Variants in CCDC3 observed in about 807,000 individuals in gnomAD.
CCDC3 encodes coiled-coil domain containing 3.
In CCDC3, 24 loss-of-function variants were observed where a neutral mutation model predicts 21.4. The ratio of observed to expected loss-of-function variants is 1.12; its 90% CI spans 0.81 to 1.58. The LOEUF is 1.58. Among genes scored for constraint, CCDC3 ranks in the 40% most tolerant of loss-of-function variants. The pLI is 0.00. For missense variants in CCDC3, 425 were observed against 360.9 expected, an observed-to-expected ratio of 1.18 and a Z score of -1.44; for synonymous variants, 186 against 166.0, an observed-to-expected ratio of 1.12 and a Z score of -0.93.
intron 2 of CCDC3, among the ~76,000 whole-genome samples, chr10:12,912,285 C>T (rs561704742): frequency 3.3e-5 from 5 of 152,330 alleles, no homozygotes; most frequent in African/African-American, 1.2e-4. Context: ...TCCTCACCAA[C>T]ACTTATCTTT....
intron 3 of CCDC3, among the ~76,000 whole-genome samples, chr10:13,077,608 A>G (rs12765406): frequency 0.59 from 89,989 of 151,762 alleles, 26,925 homozygotes; most frequent in African/African-American, 0.64. Context: ...ACTTCAAACT[A>G]TACTACAAGG....
intron 3 of CCDC3, among the ~76,000 whole-genome samples, chr10:13,076,010 C>CA (rs1307391677): frequency 3.9e-5 from 6 of 152,220 alleles, no homozygotes; most frequent in African/African-American, 1.4e-4. Flanking sequence ...TGCAATGAGC[C>CA]AAGATTGTGC....
chr10:13,027,188 T>C (rs139414076), intron 5 of CCDC3, among the ~76,000 whole-genome samples: 123 of 152,256 alleles, frequency 8.1e-4, no homozygotes, highest in African/African-American at 2.8e-3. Flanking sequence ...GGGGTGAGCT[T>C]AGGTGAGGGT....
chr10:12,938,734 C>T (rs890387338), intron 2 of CCDC3, among the ~76,000 whole-genome samples: 1 of 152,154 alleles, frequency 6.6e-6, no homozygotes, highest in African/African-American at 2.4e-5. Flanking sequence ...TTCTTTGGTT[C>T]CTTGAACTCC....
upstream of CCDC3, among the ~76,000 whole-genome samples, chr10:13,003,122 C>G (rs377535141): frequency 2.6e-5 from 4 of 152,280 alleles, no homozygotes; most frequent in African/African-American, 9.6e-5. Flanking sequence ...AGGTGTTCTG[C>G]AGGTTTGCTA....
chr10:12,911,333 T>A (rs955325475), intron 2 of CCDC3, among the ~76,000 whole-genome samples: 1 of 152,234 alleles, frequency 6.6e-6, no homozygotes, highest in Non-Finnish European at 1.5e-5. Context: ...TAGTGCCTAA[T>A]ACTGTGCCTG....
chr10:12,937,360 T>C (rs1430300847), intron 2 of CCDC3, among the ~76,000 whole-genome samples: 3 of 152,200 alleles, frequency 2.0e-5, no homozygotes, highest in Admixed American at 1.3e-4. Flanking sequence ...TTCCTTTTAG[T>C]ATGTGTGCGG....
intron 2 of CCDC3, among the ~76,000 whole-genome samples, chr10:12,935,062 C>CTT (rs374416181): frequency 1.4e-5 from 2 of 146,114 alleles, no homozygotes; most frequent in South Asian, 4.4e-4. Flanking sequence ...CCAAACCTGG[C>CTT]TTTTTTTTTT....
chr10:12,982,463 A>AC (rs1835513624), intron 2 of CCDC3, among the ~76,000 whole-genome samples: 1 of 151,628 alleles, frequency 6.6e-6, no homozygotes, highest in African/African-American at 2.4e-5. Flanking sequence ...GATTTTGTTA[A>AC]GAGTAGATTT....
At chr10:13,018,068 C>A (rs1333527485) in intron 5 of CCDC3, among the ~76,000 whole-genome samples, 1 of 149,044 alleles carries the variant, frequency 6.7e-6, no homozygotes, top group Non-Finnish European at 1.5e-5. Flanking sequence ...ACTTTCCTTT[C>A]CCATCTATGT....
intron 2 of CCDC3, among the ~76,000 whole-genome samples, chr10:12,966,341 C>T (rs549091366): frequency 2.3e-4 from 35 of 151,920 alleles, no homozygotes; most frequent in African/African-American, 7.5e-4. Context: ...AGCCTATTTA[C>T]GCTACTATCT....
At chr10:12,982,307 A>G (rs937641350) in intron 2 of CCDC3, among the ~76,000 whole-genome samples, 2 of 151,946 alleles carry the variant, frequency 1.3e-5, no homozygotes, top group African/African-American at 4.8e-5. Flanking sequence ...AAACTCACAG[A>G]AACAGAAAGA....
chr10:12,929,583 C>G (rs983200555), intron 2 of CCDC3, among the ~76,000 whole-genome samples: 3 of 152,192 alleles, frequency 2.0e-5, no homozygotes, highest in Admixed American at 2.0e-4. Context: ...CTCTGCCCCC[C>G]TCTGCCACAG....
chr10:13,076,844 T>C (rs567233697), intron 3 of CCDC3, among the ~76,000 whole-genome samples: 13 of 152,260 alleles, frequency 8.5e-5, no homozygotes, highest in African/African-American at 2.6e-4. Context: ...TCGGGTTCAG[T>C]TTATATTGTG....
chr10:13,078,707 G>GT (rs1407964029), intron 3 of CCDC3, among the ~76,000 whole-genome samples: 4 of 152,288 alleles, frequency 2.6e-5, no homozygotes, highest in African/African-American at 9.6e-5. Flanking sequence ...CATGTCCTTT[G>GT]TAGGGACATG....
intron 2 of CCDC3, among the ~76,000 whole-genome samples, chr10:12,957,293 T>G (rs11258083): frequency 0.52 from 78,906 of 152,040 alleles, 23,140 homozygotes; most frequent in Non-Finnish European, 0.66. Flanking sequence ...CTCTAAAGGG[T>G]TCGGGGCCGA....
intron 2 of CCDC3, among the ~76,000 whole-genome samples, chr10:12,961,175 G>A (rs1835174132): frequency 6.6e-6 from 1 of 152,266 alleles, no homozygotes; most frequent in Middle Eastern, 3.4e-3. Flanking sequence ...CCCACATTCT[G>A]CCAAGTCAGT....
At position 13,080,191 on chromosome 10, in the gene CCDC3, C is replaced by T. The variant is rs572205262; in HGVS notation, c.-502-6091G>A. Among the ~76,000 whole-genome samples, 18 of 150,788 alleles carry T rather than the reference C, an allele frequency of 1.2e-4. No homozygotes were observed. The East Asian group carries it at 2.2e-3, about 18-fold the overall frequency. ...GTAAGGGAGAGAGGAAACGGGATGG[C>T]AAAGAGAGAGAGAGAGAGAGCGAGA... is the stretch of plus-strand genomic sequence containing the variant. On this transcript the variant is annotated intron_variant, in intron 3 of 6. Coordinates refer to the CCDC3 transcript ENST00000378839.
At chr10:12,941,902 C>A (rs1041536549) in intron 2 of CCDC3, among the ~76,000 whole-genome samples, 1 of 152,294 alleles carries the variant, frequency 6.6e-6, no homozygotes, top group South Asian at 2.1e-4. Flanking sequence ...AGGAGGAGGA[C>A]TAAGTAACTA....
Sources: allele counts gnomAD v4.1 joint callset (sites outside exome capture counted in the v4.1 genomes callset), GRCh38; gene constraint gnomAD v4.1.1; transcripts MANE v1.5; gene names NCBI Gene and HGNC (gene_info 2026-07-23, HGNC 2026-07-21).